SLC7A1: variants seen among roughly 807,000 people sequenced by gnomAD.
SLC7A1 encodes the protein high affinity cationic amino acid transporter 1.
Under a neutral mutation model 53.9 loss-of-function variants are expected in SLC7A1, and 10 were observed. That is an observed-to-expected ratio of 0.19 (90% CI 0.11 to 0.31). The LOEUF is 0.31. Ranked by LOEUF, SLC7A1 falls within the 10% of genes least tolerant of loss-of-function variation. The probability of loss-of-function intolerance (pLI) is 1.00; values close to 1 mark genes in which losing one functional copy is unlikely to be tolerated. For missense variants in SLC7A1, 525 were observed against 827.2 expected (o/e 0.63, Z 4.48); for synonymous variants, 342 against 338.7 (o/e 1.01, Z -0.11).
chr13:29,593,077 C>A (rs141682552), intron 1 of SLC7A1, among the ~76,000 whole-genome samples: 1 of 152,312 alleles, frequency 6.6e-6, no homozygotes, highest in East Asian at 1.9e-4. Context: ...AACACACAGG[C>A]AGGCACCTGA....
chr13:29,585,740 G>A (rs374696794), intron 1 of SLC7A1, among the ~76,000 whole-genome samples: 10 of 152,308 alleles, frequency 6.6e-5, no homozygotes, highest in African/African-American at 2.4e-4. Context: ...AGTGCCTGAA[G>A]GAGGAATGAA....
intron 1 of SLC7A1, among the ~76,000 whole-genome samples, chr13:29,582,133 T>C (rs1015950658): frequency 1.3e-5 from 2 of 152,268 alleles, no homozygotes; most frequent in Admixed American, 6.5e-5. Context: ...CAGAGTTGCA[T>C]GTGGGTGTAC....
intron 1 of SLC7A1, among the ~76,000 whole-genome samples, chr13:29,576,874 C>T (rs759537252): frequency 6.6e-6 from 1 of 152,210 alleles, no homozygotes; most frequent in African/African-American, 2.4e-5. Context: ...TTCCTACAGC[C>T]GGTCAGCACC....
intron 2 of SLC7A1, among the ~76,000 whole-genome samples, chr13:29,540,741 G>C (rs762443109): frequency 2.6e-5 from 4 of 152,204 alleles, no homozygotes; most frequent in Non-Finnish European, 5.9e-5. Context: ...AGAATGGCCA[G>C]GCCCCAGTCG....
chr13:29,592,749 A>G (rs34978805), intron 1 of SLC7A1, among the ~76,000 whole-genome samples: 5,108 of 152,278 alleles, frequency 0.034, 117 homozygotes, highest in Middle Eastern at 0.17. Context: ...TCACGGGAAG[A>G]GAGGTCTAAA....
At chr13:29,531,119 A>G (rs1242091701) in intron 4 of SLC7A1, among the ~76,000 whole-genome samples, 3 of 152,216 alleles carry the variant, frequency 2.0e-5, no homozygotes, top group Admixed American at 6.5e-5. Context: ...TTCCAGGAAG[A>G]AAGACTTTGC....
rs745310520 is a variant in SLC7A1 at position 29,523,503 on chromosome 13, G to A, written c.827-15C>T. 6 of 1,586,618 alleles carry A rather than the reference G, an allele frequency of 3.8e-6. No homozygotes were observed. The highest frequency in any genetic ancestry group is 5.2e-6 in the Non-Finnish European group (6 of 1,155,824). The stretch of plus-strand genomic sequence containing the variant: ...CACCTCTTCACCTAGAAGCACAAGG[G>A]GTCAGCGGAGGAGGGCACACAGCAA... On this transcript the variant is annotated splice_polypyrimidine_tract_variant and intron_variant, in intron 6 of 12. Coordinates refer to ENST00000380752, the MANE Select transcript of SLC7A1 (RefSeq NM_003045.5).
At chr13:29,580,598 T>C (rs1254420577) in intron 1 of SLC7A1, among the ~76,000 whole-genome samples, 1 of 152,196 alleles carries the variant, frequency 6.6e-6, no homozygotes, top group African/African-American at 2.4e-5. Context: ...AATCAAGACA[T>C]GTCTCCTTAC....
intron 1 of SLC7A1, among the ~76,000 whole-genome samples, chr13:29,560,219 T>C (rs942272851): frequency 6.6e-6 from 1 of 152,050 alleles, no homozygotes; most frequent in Non-Finnish European, 1.5e-5. Flanking sequence ...ATAGCCAGGA[T>C]GATCAATGTC....
At chr13:29,553,022 G>C (rs529307961) in intron 2 of SLC7A1, among the ~76,000 whole-genome samples, 1 of 151,928 alleles carries the variant, frequency 6.6e-6, no homozygotes, top group Non-Finnish European at 1.5e-5. Context: ...AGCCTTGACC[G>C]CCCCCCTGCC....
At chr13:29,575,642 GAC>G (rs1871379109) in intron 1 of SLC7A1, among the ~76,000 whole-genome samples, 1 of 152,162 alleles carries the variant, frequency 6.6e-6, no homozygotes, top group Non-Finnish European at 1.5e-5. Flanking sequence ...GGTATTTTAT[GAC>G]ACAGTTAACA....
chr13:29,552,121 G>A (rs1465595977), intron 2 of SLC7A1, among the ~76,000 whole-genome samples: 2 of 152,042 alleles, frequency 1.3e-5, no homozygotes, highest in Non-Finnish European at 2.9e-5. Flanking sequence ...AAGTATGTGT[G>A]CATTCCTAAT....
At chr13:29,527,287 G>A (rs1489965694) in intron 5 of SLC7A1, among the ~76,000 whole-genome samples, 1 of 152,168 alleles carries the variant, frequency 6.6e-6, no homozygotes, top group Non-Finnish European at 1.5e-5. Context: ...GGTGGATGAA[G>A]AAAGGAACGC....
chr13:29,528,981 A>AT (rs1303209360), intron 5 of SLC7A1, among the ~76,000 whole-genome samples: 4 of 152,230 alleles, frequency 2.6e-5, no homozygotes, highest in Non-Finnish European at 5.9e-5. Flanking sequence ...GGTGCCCTAT[A>AT]TATTTCATTC....
rs969945741 is a variant in SLC7A1, at chr13:29,517,162, C to T, written c.1659G>A (p.Lys553=). The change falls in exon 11 of 13, where the codon AAG becomes AAA. Residue 553 remains lysine (K), a synonymous_variant. Coordinates refer to ENST00000380752, the MANE Select transcript of SLC7A1 (RefSeq NM_003045.5). The part of the protein sequence containing the change: ...TGVIWRQPES[K]TKLSFKVPFL... ...TGCTCACCTTAAATGAGAGCTTGGT[C>T]TTGCTCTCGGGCTGCCTCCAGATGA... The T allele has an allele frequency of 1.4e-5, 23 of 1,609,782 alleles. No homozygotes were observed. Among genetic ancestry groups the T allele is most frequent in the Non-Finnish European group, 2.0e-5 (23 of 1,178,196 alleles).
At chr13:29,556,710 T>C (rs553181675) in intron 1 of SLC7A1, among the ~76,000 whole-genome samples, 11 of 152,334 alleles carry the variant, frequency 7.2e-5, no homozygotes, top group African/African-American at 2.6e-4. Context: ...TAAGTATTGA[T>C]AGACACAACC....
At chr13:29,517,875 A>G in intron 9 of SLC7A1, 85 bp from the exon 10 acceptor site, 1 of 1,021,408 alleles carries the variant, frequency 9.8e-7, no homozygotes. Context: ...AAGCCTCCAA[A>G]GTGAGCTGCC....
chr13:29,514,719 C>T (rs1042529297), intron 12 of SLC7A1, 136 bp from the exon 13 acceptor site: 23 of 635,494 alleles, frequency 3.6e-5, no homozygotes, highest in African/African-American at 5.4e-5. Flanking sequence ...CCGCAGCCAG[C>T]GGCCCCTGTG....
At chr13:29,576,293 T>TAAAAAAAAAAAAAAAAAAAAAAAAAA (rs3069134) in intron 1 of SLC7A1, among the ~76,000 whole-genome samples, 1 of 124,954 alleles carries the variant, frequency 8.0e-6, no homozygotes, top group African/African-American at 3.7e-5. Context: ...TCCTGTTTTT[T>TAAAAAAAAAAAAAAAAAAAAAAAAAA]AAAAAAAAAA....
Sources: gnomAD v4.1 joint callset for allele counts (sites outside exome capture counted in the v4.1 genomes callset) on GRCh38, gnomAD v4.1.1 for gene constraint, MANE v1.5 for transcripts, NCBI Gene and HGNC (gene_info 2026-07-23, HGNC 2026-07-21) for gene names.